BTBD1: variants seen among roughly 807,000 people sequenced by gnomAD.
BTBD1 encodes the protein BTB domain containing 1, also known as BTB/POZ domain-containing protein 1.
BTBD1 carries 34 observed loss-of-function variants against 48.0 expected under a neutral mutation model. The observed-to-expected ratio is 0.71, with a 90% CI of 0.54 to 0.94. The LOEUF is 0.94. Ranked by LOEUF, BTBD1 falls within the 40% of genes least tolerant of loss-of-function variation. The probability of loss-of-function intolerance (pLI) is 0.00; values close to 1 mark genes in which losing one functional copy is unlikely to be tolerated. For missense variants in BTBD1, 543 were observed against 625.6 expected, an observed-to-expected ratio of 0.87 and a Z score of 1.41; for synonymous variants, 261 against 242.1, an observed-to-expected ratio of 1.08 and a Z score of -0.72.
At chr15:83,018,941 CGT>C (rs2032228829) in intron 6 of BTBD1, 88 bp from the exon 7 acceptor site, 2 of 712,518 alleles carry the variant, frequency 2.8e-6, no homozygotes, top group Admixed American at 9.8e-5. Context: ...GCAATGTGTG[CGT>C]GTGTGTTTTG....
At chr15:83,032,345 A>C (rs571432089) in intron 4 of BTBD1, among the ~76,000 whole-genome samples, 1 of 152,182 alleles carries the variant, frequency 6.6e-6, no homozygotes, top group East Asian at 1.9e-4. Flanking sequence ...AACTAAAATT[A>C]GAACTACCAT....
chr15:83,035,786 T>G (rs1433592889), intron 4 of BTBD1, among the ~76,000 whole-genome samples: 1 of 151,912 alleles, frequency 6.6e-6, no homozygotes, highest in African/African-American at 2.4e-5. Flanking sequence ...AAGCTAGAAG[T>G]TGGTTCCAGG....
intron 2 of BTBD1, among the ~76,000 whole-genome samples, chr15:83,051,867 T>TC (rs397787063): frequency 9.9e-4 from 17 of 17,252 alleles, no homozygotes; most frequent in African/African-American, 4.3e-3. Context: ...TAATTTTTTT[T>TC]CCATATATAT....
intron 1 of BTBD1, among the ~76,000 whole-genome samples, chr15:83,060,794 AAAAAT>A (rs541100695): frequency 2.0e-5 from 3 of 152,228 alleles, no homozygotes; most frequent in East Asian, 1.9e-4. Context: ...CTCTATCTCA[AAAAAT>A]AAAATAAAAT....
intron 5 of BTBD1, among the ~76,000 whole-genome samples, chr15:83,026,321 C>T (rs913301549): frequency 4.6e-5 from 7 of 151,944 alleles, no homozygotes; most frequent in African/African-American, 7.3e-5. Flanking sequence ...GAGGCATACT[C>T]GATTTCACAA....
chr15:83,021,177 G>A (rs779575041), intron 5 of BTBD1, among the ~76,000 whole-genome samples: 10 of 152,130 alleles, frequency 6.6e-5, no homozygotes, highest in South Asian at 2.1e-4. Flanking sequence ...TTGGCACTGC[G>A]GAAGTAATGG....
intron 2 of BTBD1, among the ~76,000 whole-genome samples, chr15:83,054,907 C>G (rs2033056022): frequency 1.3e-5 from 2 of 152,046 alleles, no homozygotes; most frequent in Admixed American, 1.3e-4. Flanking sequence ...AACTGGAAAA[C>G]AAGAGCTCTG....
chr15:83,050,186 T>C lies in BTBD1; in HGVS notation c.559-8A>G, dbSNP rs565584254. The C allele has an allele frequency of 1.3e-6, 2 of 1,561,216 alleles. No individual in the cohort carries two copies. The highest frequency in any genetic ancestry group is 1.3e-5 in the African/African-American group (1 of 74,088). On this transcript the variant is annotated splice_region_variant and splice_polypyrimidine_tract_variant and intron_variant, in intron 2 of 7. Coordinates refer to ENST00000261721, the MANE Select transcript of BTBD1 (RefSeq NM_025238.4). Reference sequence around the variant, plus strand: ...TTCATCAAATAATCGAGCCTAAACATATAAAGAGATAGTTATTTAACTTTC... The same window carrying C: ...TTCATCAAATAATCGAGCCTAAACACATAAAGAGATAGTTATTTAACTTTC...
rs186274580 is a variant in BTBD1 at position 83,041,047 on chromosome 15, G to A, written c.862+681C>T. Among the ~76,000 whole-genome samples the A allele has an allele frequency of 2.5e-3, 387 of 151,888 alleles. 2 individuals are homozygous for A. Among genetic ancestry groups the A allele is most frequent in the African/African-American group, 8.9e-3 (370 of 41,390 alleles). Reference sequence around the variant, plus strand: ...TGCACCTATAGTCCCTGCTATTTGGGAGGCTGAGGTGGGAGGATTGATTGA... The same window carrying A: ...TGCACCTATAGTCCCTGCTATTTGGAAGGCTGAGGTGGGAGGATTGATTGA... On this transcript the variant is annotated intron_variant, in intron 4 of 7. Transcript: ENST00000261721.
At chr15:83,042,317 A>T (rs571900419) in intron 3 of BTBD1, among the ~76,000 whole-genome samples, 69 of 143,642 alleles carry the variant, frequency 4.8e-4, no homozygotes, top group African/African-American at 1.6e-3. Flanking sequence ...TTTATTATTA[A>T]GCACTACGTG....
intron 5 of BTBD1, among the ~76,000 whole-genome samples, chr15:83,029,249 T>A (rs1209286060): frequency 6.6e-6 from 1 of 152,228 alleles, no homozygotes; most frequent in African/African-American, 2.4e-5. Context: ...TATACTGAAG[T>A]GCTATTAAAT....
At chr15:83,020,602 T>C (rs1328927935) in intron 6 of BTBD1, 73 bp downstream of exon 6, 1 of 1,013,458 alleles carries the variant, frequency 9.9e-7, no homozygotes, top group Admixed American at 2.2e-5. Context: ...ATTTGGATTC[T>C]GTCAAAACAA....
rs1055817764 is a variant in BTBD1 at position 83,017,839 on chromosome 15, T to A, written c.*228A>T. ...AAGGTGAAAAAGCTGTGCTTTTTTT[T>A]AAACCATTAAACCCAGTTCTTTTCT... is the stretch of plus-strand genomic sequence containing the variant. On this transcript the variant is annotated 3_prime_UTR_variant, in exon 8 of 8. Transcript: ENST00000261721. 2.2e-5 allele frequency: 6 copies of A among 269,184 alleles called. No homozygotes were observed. Among genetic ancestry groups the A allele is most frequent in the East Asian group, 1.4e-4 (2 of 14,754 alleles). 16.7% of individuals were successfully genotyped at this position (269,184 alleles called of 1,614,324 possible). A position where few individuals can be genotyped will look rare whatever the true frequency, so the allele number is the denominator to read the frequency against.
intron 5 of BTBD1, among the ~76,000 whole-genome samples, chr15:83,021,220 A>G (rs1029565805): frequency 1.3e-5 from 2 of 152,224 alleles, no homozygotes; most frequent in Admixed American, 1.3e-4. Flanking sequence ...CATTGTGCAT[A>G]CAGTCTAATG....
intron 1 of BTBD1, among the ~76,000 whole-genome samples, chr15:83,058,580 G>A (rs1018049235): frequency 2.6e-5 from 4 of 151,632 alleles, no homozygotes; most frequent in Admixed American, 2.6e-4. Context: ...CTGCACTCTA[G>A]CCCGGCCAAC....
intron 7 of BTBD1, among the ~76,000 whole-genome samples, chr15:83,018,457 CTT>C (rs531681184): frequency 5.0e-4 from 76 of 152,324 alleles, no homozygotes; most frequent in Middle Eastern, 3.4e-3. Context: ...ACAAAAATAA[CTT>C]TTATTTTCTG....
At chr15:83,048,010 A>T (rs897131605) in intron 3 of BTBD1, among the ~76,000 whole-genome samples, 3 of 152,208 alleles carry the variant, frequency 2.0e-5, no homozygotes, top group African/African-American at 7.2e-5. Flanking sequence ...GCATGAAAGG[A>T]GAGACTACAA....
rs2032198564 is a variant in BTBD1 at position 83,017,781 on chromosome 15, T to C, written c.*286A>G. 5.4e-6 allele frequency: 1 copy of C among 185,650 alleles called. No individual in the cohort carries two copies. Among genetic ancestry groups the C allele is most frequent in the Non-Finnish European group, 1.1e-5 (1 of 90,608 alleles). 11.5% of individuals were successfully genotyped at this position (185,650 alleles called of 1,614,324 possible). A position where few individuals can be genotyped will look rare whatever the true frequency, so the allele number is the denominator to read the frequency against. ...CAATTCCCAAACTATTGAAAGACCCTAAGTCAGCCAATCTATGAAATTATA... is the reference window on the plus strand; with the variant it reads ...CAATTCCCAAACTATTGAAAGACCCCAAGTCAGCCAATCTATGAAATTATA... On this transcript the variant is annotated 3_prime_UTR_variant, in exon 8 of 8. Transcript: ENST00000261721.
In BTBD1 at chr15:83,028,709, T is replaced by G. The variant is rs539596993; in HGVS notation, c.1055+1427A>C. The G allele has an allele frequency of 2.6e-5, 4 of 152,310 alleles. 1 individual carries two copies. The East Asian group carries it at 7.7e-4, about 29-fold the overall frequency. The allele number at this position is 152,310 out of a possible 1,614,324, so 9.4% of individuals were successfully genotyped here. A position where few individuals can be genotyped will look rare whatever the true frequency, so the allele number is the denominator to read the frequency against. ...ATTCAGGCTTTTCTTCTTCAGTCAATTTTGATAATTTATATTTGCCTATAA... is the reference window on the plus strand; with the variant it reads ...ATTCAGGCTTTTCTTCTTCAGTCAAGTTTGATAATTTATATTTGCCTATAA... On this transcript the variant is annotated intron_variant, in intron 5 of 7. Transcript: ENST00000261721.
Sources: allele counts gnomAD v4.1 joint callset (sites outside exome capture counted in the v4.1 genomes callset), GRCh38; gene constraint gnomAD v4.1.1; transcripts MANE v1.5; gene names NCBI Gene and HGNC (gene_info 2026-07-23, HGNC 2026-07-21).